Variants in ITGA1 observed in about 807,000 individuals in gnomAD.
ITGA1 encodes the protein integrin alpha-1.
Under a neutral mutation model 145.9 loss-of-function variants are expected in ITGA1, and 85 were observed. The ratio of observed to expected loss-of-function variants is 0.58; its 90% CI spans 0.49 to 0.70. The LOEUF (loss-of-function observed/expected upper bound fraction) is 0.70. Among genes scored for constraint, ITGA1 ranks in the 30% least tolerant of loss-of-function variants. The pLI is 0.00. For missense variants in ITGA1, 1,351 were observed against 1,418.7 expected, an observed-to-expected ratio of 0.95 and a Z score of 0.77; for synonymous variants, 520 against 495.3, an observed-to-expected ratio of 1.05 and a Z score of -0.66.
At chr5:52,911,414 A>C (rs1423539543) in intron 14 of ITGA1, among the ~76,000 whole-genome samples, 11 of 134,152 alleles carry the variant, frequency 8.2e-5, no homozygotes, top group Non-Finnish European at 9.3e-5. Context: ...TATAGTGTAT[A>C]TACACTATAT....
intron 6 of ITGA1, among the ~76,000 whole-genome samples, chr5:52,878,982 C>G (rs945242149): frequency 2.7e-5 from 4 of 148,592 alleles, no homozygotes; most frequent in Non-Finnish European, 3.0e-5. Flanking sequence ...AAAAAAATGG[C>G]AGTATTAATG....
chr5:52,819,276 G>C (rs1157614919), intron 1 of ITGA1, among the ~76,000 whole-genome samples: 1 of 152,164 alleles, frequency 6.6e-6, no homozygotes, highest in East Asian at 1.9e-4. Flanking sequence ...GTGTAAAAGT[G>C]TTCCTATTTC....
At position 52,925,347 on chromosome 5, in the gene ITGA1, A is replaced by G; in HGVS notation, c.2473A>G (p.Thr825Ala). 3.1e-6 allele frequency: 5 copies of G among 1,614,120 alleles called. No individual in the cohort carries two copies. Among genetic ancestry groups the G allele is most frequent in the Non-Finnish European group, 4.2e-6 (5 of 1,179,974 alleles). The stretch of plus-strand genomic sequence containing the variant: ...AGACCTCAGCCTGCATGTCGCCACC[A>G]CTGAAAAGGACCTGCTGATTGTCCG... ...ISDLSLHVAT[T>A]EKDLLIVRSQ... The change falls in exon 19 of 29, where the codon ACT becomes GCT. Residue 825 changes from threonine to alanine, a missense_variant. Thr to Ala is a moderately conservative substitution (Grantham distance 58). Transcript: ENST00000282588.
In ITGA1 at chr5:52,867,068, C is replaced by T. The variant is rs1332182219; in HGVS notation, c.624+1251C>T. 4 of 149,260 alleles carry T rather than the reference C, an allele frequency of 2.7e-5. No individual in the cohort carries two copies. The East Asian group carries it at 7.8e-4, about 29-fold the overall frequency. The allele number at this position is 149,260 out of a possible 1,614,324, so 9.2% of individuals were successfully genotyped here. ...TACTTTGGGAGAAGTTTCTGAGGCA[C>T]TGAAAAAGCAGACTGACTGCGTTAA... On this transcript the variant is annotated intron_variant, in intron 6 of 28. Transcript: ENST00000282588.
At chr5:52,850,316 A>G (rs950382665) in intron 2 of ITGA1, among the ~76,000 whole-genome samples, 2 of 152,134 alleles carry the variant, frequency 1.3e-5, no homozygotes, top group Non-Finnish European at 2.9e-5. Flanking sequence ...ATGATTTTTA[A>G]AGTATATTTA....
intron 1 of ITGA1, among the ~76,000 whole-genome samples, chr5:52,820,727 AC>A (rs756490537): frequency 1.5e-4 from 23 of 152,196 alleles, no homozygotes; most frequent in South Asian, 1.2e-3. Context: ...CCGCAGAAAA[AC>A]TTTTGAAGCA....
chr5:52,934,028 A>G, intron 23 of ITGA1, 32 bp downstream of exon 23: 1 of 902,686 alleles, frequency 1.1e-6, no homozygotes, highest in East Asian at 2.9e-5. Flanking sequence ...AGTATTCTAA[A>G]GGAGTTATTT....
intron 3 of ITGA1, among the ~76,000 whole-genome samples, chr5:52,862,342 A>G (rs961526869): frequency 6.6e-6 from 1 of 152,158 alleles, no homozygotes; most frequent in Non-Finnish European, 1.5e-5. Context: ...AGTAATCTAT[A>G]ATCATTTTTC....
chr5:52,886,666 AGT>A (rs1225650395), intron 7 of ITGA1, among the ~76,000 whole-genome samples: 1 of 152,230 alleles, frequency 6.6e-6, no homozygotes, highest in Admixed American at 6.5e-5. Context: ...GGAGGGGAGA[AGT>A]GTGTGTATAT....
chr5:52,801,709 G>T (rs377278232), intron 1 of ITGA1: 2 of 1,614,092 alleles, frequency 1.2e-6, no homozygotes, highest in Non-Finnish European at 1.7e-6. Context: ...TGCAGGCACC[G>T]TTAGGATATT....
chr5:52,939,368 A>T (rs558812888), intron 24 of ITGA1, among the ~76,000 whole-genome samples: 2 of 152,204 alleles, frequency 1.3e-5, no homozygotes, highest in Non-Finnish European at 2.9e-5. Flanking sequence ...TTTCCATTAC[A>T]ATTCAAAAGT....
chr5:52,892,198 G>A (rs1045673228), intron 8 of ITGA1, among the ~76,000 whole-genome samples: 2 of 152,092 alleles, frequency 1.3e-5, no homozygotes, highest in Non-Finnish European at 2.9e-5. Context: ...TAACTACACC[G>A]AGGAAGAAAT....
At chr5:52,912,180 G>C (rs932364581) in intron 14 of ITGA1, among the ~76,000 whole-genome samples, 2 of 138,516 alleles carry the variant, frequency 1.4e-5, no homozygotes, top group African/African-American at 2.6e-5. Flanking sequence ...CTAGTATATA[G>C]ATACGCTATA....
chr5:52,854,223 A>C (rs1749472054), intron 2 of ITGA1, among the ~76,000 whole-genome samples: 1 of 152,164 alleles, frequency 6.6e-6, no homozygotes, highest in Non-Finnish European at 1.5e-5. Flanking sequence ...CAATGGGCTC[A>C]TGTGATTGAT....
At position 52,944,806 on chromosome 5, in the gene ITGA1, C is replaced by T. The variant is rs574967802; in HGVS notation, c.3286-137C>T. On this transcript the variant is annotated intron_variant, in intron 26 of 28. Coordinates refer to ENST00000282588, the MANE Select transcript of ITGA1 (RefSeq NM_181501.2). Reference sequence around the variant, plus strand: ...CGGTTATTATTTGATACTACCAGTTCCATTTGGAAGTTAACAAAACTGGAA... The same window carrying T: ...CGGTTATTATTTGATACTACCAGTTTCATTTGGAAGTTAACAAAACTGGAA... 5.0e-6 allele frequency: 3 copies of T among 595,800 alleles called. No individual in the cohort carries two copies. The African/African-American group carries it at 5.6e-5, about 11-fold the overall frequency. The allele number at this position is 595,800 out of a possible 1,614,324, so 36.9% of individuals were successfully genotyped here.
intron 7 of ITGA1, among the ~76,000 whole-genome samples, chr5:52,887,455 G>T (rs1334922253): frequency 1.3e-5 from 2 of 152,164 alleles, no homozygotes; most frequent in Admixed American, 6.5e-5. Context: ...GAGAGAAGGG[G>T]TGTTTACAGA....
At position 52,831,206 on chromosome 5, in the gene ITGA1, C is replaced by T. The variant is rs574366123; in HGVS notation, c.62-18159C>T. On this transcript the variant is annotated intron_variant, in intron 1 of 28. Transcript: ENST00000282588. The stretch of plus-strand genomic sequence containing the variant: ...GATGGGCAATAACGAAATCTTGGCT[C>T]ACTGCAACCTCTGCCTCCTGGGTTC... Among the ~76,000 whole-genome samples the T allele has an allele frequency of 3.9e-5, 6 of 152,134 alleles. No homozygotes were observed. The South Asian group carries it at 1.2e-3, about 32-fold the overall frequency.
chr5:52,874,761 A>G (rs1046604395), intron 6 of ITGA1, among the ~76,000 whole-genome samples: 1 of 152,178 alleles, frequency 6.6e-6, no homozygotes, highest in Non-Finnish European at 1.5e-5. Flanking sequence ...CTGATTCTAA[A>G]ATCTTCCAAT....
intron 1 of ITGA1, among the ~76,000 whole-genome samples, chr5:52,825,430 T>C (rs1748944584): frequency 6.6e-6 from 1 of 152,200 alleles, no homozygotes; most frequent in African/African-American, 2.4e-5. Flanking sequence ...TTGGTAATTC[T>C]CGCAATTTCA....
Sources: allele counts gnomAD v4.1 joint callset (sites outside exome capture counted in the v4.1 genomes callset), GRCh38; gene constraint gnomAD v4.1.1; transcripts MANE v1.5; gene names NCBI Gene and HGNC (gene_info 2026-07-23, HGNC 2026-07-21).